Variants in CFAP52 observed in about 807,000 individuals in gnomAD.
CFAP52 encodes the protein cilia and flagella associated protein 52, also known as cilia- and flagella-associated protein 52.
Under a neutral mutation model 70.5 loss-of-function variants are expected in CFAP52, and 57 were observed. That is an observed-to-expected ratio of 0.81 (90% CI 0.65 to 1.01). The LOEUF (loss-of-function observed/expected upper bound fraction) is 1.01. Among genes scored for constraint, CFAP52 ranks in the 50% least tolerant of loss-of-function variants. CFAP52 has a pLI of 0.00. For missense variants in CFAP52, 785 were observed against 788.5 expected (o/e 1.00, Z 0.05); for synonymous variants, 267 against 292.5 (o/e 0.91, Z 0.89).
chr17:9,585,886 G>C lies in CFAP52; in HGVS notation c.184G>C (p.Gly62Arg). ...TACTAAAGAGCAGAACTTCCTACAG[G>C]GTCATGGCAACAACGTCTCCTGCTT... ...INTKEQNFLQ[G>R]HGNNVSCLAI... is the part of the protein sequence containing the mutation. The change falls in exon 2 of 14, where the codon GGT becomes CGT. Residue 62 changes from glycine to arginine, a missense_variant. Transcript: ENST00000352665. The C allele has an allele frequency of 6.2e-7, 1 of 1,613,692 alleles. No individual in the cohort carries two copies. The highest frequency in any genetic ancestry group is 8.5e-7 in the Non-Finnish European group (1 of 1,179,912).
Position 9,586,744 on chromosome 17 carries a change from G to T in CFAP52, c.317G>T (p.Arg106Leu). ...WDYKNRELLA[R>L]LSLHKGKIEA... ...TATAAGAACAGAGAGCTGCTTGCTC[G>T]GCTGTCCCTTCACAAAGGCAAAATT... The change falls in exon 3 of 14, where the codon CGG becomes CTG. Residue 106 changes from arginine to leucine, a missense_variant. Arg to Leu is a moderately radical substitution (Grantham distance 102). Coordinates refer to ENST00000352665, the MANE Select transcript of CFAP52 (RefSeq NM_145054.5). The T allele has an allele frequency of 6.2e-7, 1 of 1,613,732 alleles. No individual in the cohort carries two copies. The highest frequency in any genetic ancestry group is 8.5e-7 in the Non-Finnish European group (1 of 1,179,920).
rs1910499119 is a variant in CFAP52 at position 9,631,055 on chromosome 17, A to G, written c.1175-1833A>G. Among the ~76,000 whole-genome samples the G allele has an allele frequency of 9.1e-5, 10 of 109,564 alleles. 1 individual carries two copies. The highest frequency in any genetic ancestry group is 3.9e-4 in the African/African-American group (10 of 25,534). 71.9% of individuals were successfully genotyped at this position (109,564 alleles called of 152,430 possible). ...GAGAGAGAGAGAGAGAGAGAGAGAG[A>G]AAGAAAGAAAGAAAGAAAGAAAGAA... On this transcript the variant is annotated intron_variant, in intron 9 of 13. Transcript: ENST00000352665.
chr17:9,625,082 G>A lies in CFAP52; in HGVS notation c.1026-3590G>A, dbSNP rs138149905. Among the ~76,000 whole-genome samples the A allele has an allele frequency of 4.0e-3, 612 of 152,102 alleles. 4 individuals are homozygous for A. Among genetic ancestry groups the A allele is most frequent in the African/African-American group, 0.014 (594 of 41,496 alleles). On this transcript the variant is annotated intron_variant, in intron 8 of 13. Transcript: ENST00000352665. ...TTCAGCTTCCTGCCATCCAAGCTGA[G>A]CTCAGTTGGGGAATGTATTTACTTA...
chr17:9,642,239 C>T (rs1295957038), intron 13 of CFAP52, among the ~76,000 whole-genome samples: 1 of 152,170 alleles, frequency 6.6e-6, no homozygotes, highest in African/African-American at 2.4e-5. Flanking sequence ...AATGAATTAA[C>T]CAATATTTCA....
chr17:9,636,873 C>T (rs887933776), intron 11 of CFAP52, among the ~76,000 whole-genome samples: 17 of 152,026 alleles, frequency 1.1e-4, no homozygotes, highest in African/African-American at 3.6e-4. Context: ...GGTGAAAGCC[C>T]GTCTCTACTA....
chr17:9,588,139 C>G (rs138750666), intron 3 of CFAP52, among the ~76,000 whole-genome samples: 1 of 152,106 alleles, frequency 6.6e-6, no homozygotes, highest in South Asian at 2.1e-4. Context: ...TTACATCCTG[C>G]GTGACTCAGC....
intron 4 of CFAP52, 137 bp downstream of exon 4, chr17:9,594,458 G>T: frequency 2.6e-6 from 3 of 1,146,210 alleles, no homozygotes; most frequent in Non-Finnish European, 2.3e-6. Flanking sequence ...TTGTGATTTT[G>T]TACTCATTAA....
chr17:9,636,916 G>T (rs140427266), intron 11 of CFAP52, among the ~76,000 whole-genome samples: 2,404 of 152,170 alleles, frequency 0.016, 76 homozygotes, highest in African/African-American at 0.054. Context: ...GTGGTGGCGC[G>T]TGCCTGTTAT....
At chr17:9,579,814 C>T (rs1247499795) in intron 1 of CFAP52, among the ~76,000 whole-genome samples, 8 of 152,154 alleles carry the variant, frequency 5.3e-5, no homozygotes, top group Non-Finnish European at 1.0e-4. Context: ...GTGATCCACC[C>T]GCCTCGGCCT....
chr17:9,584,579 G>A (rs1908366554), intron 1 of CFAP52, among the ~76,000 whole-genome samples: 1 of 124,358 alleles, frequency 8.0e-6, no homozygotes, highest in African/African-American at 2.8e-5. Flanking sequence ...AAACACTTAA[G>A]ATCAACTCTT....
intron 7 of CFAP52, among the ~76,000 whole-genome samples, chr17:9,610,531 A>AT (rs58955810): frequency 0.17 from 24,072 of 145,248 alleles, 3,029 homozygotes; most frequent in East Asian, 0.47. Flanking sequence ...TCCTTTCCCC[A>AT]TTTTTTTTTT....
chr17:9,580,688 CA>C (rs34077753), intron 1 of CFAP52, among the ~76,000 whole-genome samples: 71,330 of 122,982 alleles, frequency 0.58, 18,313 homozygotes, highest in Admixed American at 0.62. Flanking sequence ...GACCTGGTCT[CA>C]AAAAAAAAAA....
chr17:9,638,766 G>A lies in CFAP52; in HGVS notation c.1575+55G>A, dbSNP rs1404030105. 2.5e-6 allele frequency: 4 copies of A among 1,575,888 alleles called. No individual in the cohort carries two copies. In the African/African-American group the frequency reaches 5.4e-5, roughly 21 times the overall value. On this transcript the variant is annotated intron_variant, in intron 12 of 13. Coordinates refer to ENST00000352665, the MANE Select transcript of CFAP52 (RefSeq NM_145054.5). ...TTCCAGCGCAAGAGAAAAGCAGTGA[G>A]GCGTTGTGGTGGAGGGTGCGGGCTC...
chr17:9,581,087 C>A (rs1278942170), intron 1 of CFAP52, among the ~76,000 whole-genome samples: 1 of 152,174 alleles, frequency 6.6e-6, no homozygotes. Flanking sequence ...AAGGCCCAGG[C>A]GGGTGGATCA....
At chr17:9,636,495 T>C (rs1485444743) in intron 11 of CFAP52, among the ~76,000 whole-genome samples, 2 of 152,072 alleles carry the variant, frequency 1.3e-5, no homozygotes, top group African/African-American at 4.8e-5. Context: ...CTCAAAGGAT[T>C]TTTGAACAGT....
rs539202803 is a variant in CFAP52, at chr17:9,586,356, G to A, written c.271-342G>A. ...AGACGGTCGGATCCCCTGAGGTCAG[G>A]AGTTCGAGACCAGCCTAGCCAACAT... is the stretch of plus-strand genomic sequence containing the variant. On this transcript the variant is annotated intron_variant, in intron 2 of 13. Coordinates refer to ENST00000352665, the MANE Select transcript of CFAP52 (RefSeq NM_145054.5). Among the ~76,000 whole-genome samples the A allele has an allele frequency of 6.2e-4, 94 of 152,220 alleles. No homozygotes were observed. In the Middle Eastern group the frequency reaches 0.024, roughly 39 times the overall value.
intron 3 of CFAP52, chr17:9,590,223 C>G: frequency 5.5e-6 from 1 of 181,648 alleles, no homozygotes; most frequent in Non-Finnish European, 1.2e-5. Flanking sequence ...CTTTCTCTGG[C>G]AAAGGGCTAC....
chr17:9,612,571 T>G, intron 8 of CFAP52, 92 bp downstream of exon 8: 1 of 1,385,410 alleles, frequency 7.2e-7, no homozygotes, highest in Non-Finnish European at 9.6e-7. Context: ...TTAATGAACA[T>G]AGTTATGATT....
chr17:9,604,596 C>T (rs1474447244), intron 6 of CFAP52, among the ~76,000 whole-genome samples: 1 of 151,686 alleles, frequency 6.6e-6, no homozygotes, highest in South Asian at 2.1e-4. Context: ...GGTGAAACCC[C>T]GTCTCTACTA....
Sources: gnomAD v4.1 joint callset for allele counts (sites outside exome capture counted in the v4.1 genomes callset) on GRCh38, gnomAD v4.1.1 for gene constraint, MANE v1.5 for transcripts, NCBI Gene and HGNC (gene_info 2026-07-23, HGNC 2026-07-21) for gene names.